The following KIF1C variants were observed in gnomAD, a reference collection of about 807,000 sequenced individuals.
The protein encoded by KIF1C is kinesin family member 1C.
KIF1C carries 61 observed loss-of-function variants against 126.5 expected under a neutral mutation model. The observed-to-expected ratio is 0.48, with a 90% CI of 0.39 to 0.60. The LOEUF is 0.60. Ranked by LOEUF, KIF1C falls within the 20% of genes least tolerant of loss-of-function variation. The probability of loss-of-function intolerance (pLI) is 0.00; values close to 1 mark genes in which losing one functional copy is unlikely to be tolerated. For missense variants in KIF1C, 1,315 were observed against 1,489.2 expected (o/e 0.88, Z 1.93); for synonymous variants, 640 against 580.6 (o/e 1.10, Z -1.47).
rs1162917513 is a variant in KIF1C, at chr17:5,002,542, G to A, written c.508G>A (p.Glu170Lys). 6.2e-7 allele frequency: 1 copy of A among 1,613,938 alleles called. No individual in the cohort carries two copies. Among genetic ancestry groups the A allele is most frequent in the African/African-American group, 1.3e-5 (1 of 74,910 alleles). Residue 170 changes from glutamate to lysine, a missense_variant, in exon 7 of 23, where the codon GAG becomes AAG. Physicochemically the swap from Glu to Lys is moderately conservative, Grantham distance 56 (BLOSUM62 1). This residue lies in a region of KIF1C where 874 missense variants were observed against 1,053.2 expected (regional missense o/e 0.83). Transcript: ENST00000320785. ...GAGTCGGGGTTCTCTGCGGGTCCGG[G>A]AGCACCCCATCCTGGGCCCGTACGT... ...PKSRGSLRVR[E>K]HPILGPYVQD...
Position 5,002,719 on chromosome 17 carries a change from C to G in KIF1C, c.609-12C>G. 1 of 1,613,976 alleles carries G rather than the reference C, an allele frequency of 6.2e-7. No individual in the cohort carries two copies. ...AGAGGCAGGATCCAGTGACTGCTTT[C>G]TTTACCCTAAGGACTGTGGCTGCCA... is the stretch of plus-strand genomic sequence containing the variant. On this transcript the variant is annotated splice_polypyrimidine_tract_variant and intron_variant, in intron 7 of 22. Transcript: ENST00000320785.
chr17:5,020,388 G>A lies in KIF1C; in HGVS notation c.1751-104G>A. 8.4e-7 allele frequency: 1 copy of A among 1,184,146 alleles called. No individual in the cohort carries two copies. Among genetic ancestry groups the A allele is most frequent in the South Asian group, 1.5e-5 (1 of 65,346 alleles). 73.4% of individuals were successfully genotyped at this position (1,184,146 alleles called of 1,614,324 possible). On this transcript the variant is annotated intron_variant, in intron 19 of 22. Transcript: ENST00000320785. This position sits in a 1 kb window ranked among gnomAD's most constrained non-coding sequence, Gnocchi z 5.8. Reference sequence around the variant, plus strand: ...GCCTTCAGACTTGGGGTGATGAAGGGGAGGGTGTCACAGCCCCTGTGCCAG... The same window carrying A: ...GCCTTCAGACTTGGGGTGATGAAGGAGAGGGTGTCACAGCCCCTGTGCCAG...
Position 5,009,819 on chromosome 17 carries a change from A to T in KIF1C, c.1491+2277A>T, listed in dbSNP as rs560048057. ...AAAAAAAGAAAAAATGTTCTCCTAG[A>T]GATGCTGTCTAGGAGATGTTATAAC... On this transcript the variant is annotated intron_variant, in intron 16 of 22. Transcript: ENST00000320785. 2.6e-5 allele frequency among the ~76,000 whole-genome samples: 4 copies of T among 151,910 alleles called. No homozygotes were observed. In the East Asian group the frequency reaches 7.8e-4, roughly 30 times the overall value.
At chr17:5,016,497 TGCCTCG>T (rs935412525) in intron 18 of KIF1C, among the ~76,000 whole-genome samples, 2 of 151,570 alleles carry the variant, frequency 1.3e-5, no homozygotes, top group African/African-American at 4.8e-5. Flanking sequence ...GTGATCCACC[TGCCTCG>T]GCCTCCCAAA....
In KIF1C at chr17:5,026,066, A is replaced by C; in HGVS notation, c.*1915A>C. 1 of 152,120 alleles carries C rather than the reference A, an allele frequency of 6.6e-6. No individual in the cohort carries two copies. The highest frequency in any genetic ancestry group is 1.9e-4 in the East Asian group (1 of 5,172). 9.4% of individuals were successfully genotyped at this position (152,120 alleles called of 1,614,324 possible). On this transcript the variant is annotated 3_prime_UTR_variant, in exon 23 of 23. Coordinates refer to ENST00000320785, the MANE Select transcript of KIF1C (RefSeq NM_006612.6). The stretch of plus-strand genomic sequence containing the variant: ...GGTCAGTCTCCAGCCAAAACCATAG[A>C]TATCCCAACTGCAGCCAAACCACGG...
rs1274095318 is a variant in KIF1C at position 5,020,090 on chromosome 17, T to G, written c.1750+11T>G. ...TGGTGCTGAAGTCAGGTAGAAGATGTGTCGCAGATTGAGGGTTCTGGGGCG... is the reference window on the plus strand; with the variant it reads ...TGGTGCTGAAGTCAGGTAGAAGATGGGTCGCAGATTGAGGGTTCTGGGGCG... On this transcript the variant is annotated intron_variant, in intron 19 of 22. Coordinates refer to ENST00000320785, the MANE Select transcript of KIF1C (RefSeq NM_006612.6). The surrounding 1 kb of genome is among the most constrained non-coding windows in gnomAD (Gnocchi z 5.8). The G allele has an allele frequency of 1.3e-6, 2 of 1,572,250 alleles. No individual in the cohort carries two copies. The highest frequency in any genetic ancestry group is 1.7e-6 in the Non-Finnish European group (2 of 1,157,322).
chr17:5,002,523 G>T lies in KIF1C; in HGVS notation c.489G>T (p.Arg163=). 1 of 1,613,824 alleles carries T rather than the reference G, an allele frequency of 6.2e-7. No individual in the cohort carries two copies. The highest frequency in any genetic ancestry group is 8.5e-7 in the Non-Finnish European group (1 of 1,179,760). ...RVRDLLNPKS[R]GSLRVREHPI... is the part of the protein sequence containing the mutation. ...GAGACCTCTTGAACCCCAAGAGTCG[G>T]GGTTCTCTGCGGGTCCGGGAGCACC... is the stretch of plus-strand genomic sequence containing the variant. The change falls in exon 7 of 23, where the codon CGG becomes CGT. Residue 163 remains arginine, a synonymous_variant. Transcript: ENST00000320785.
chr17:5,018,972 C>T (rs973579145), intron 18 of KIF1C, among the ~76,000 whole-genome samples: 10 of 152,066 alleles, frequency 6.6e-5, no homozygotes, highest in African/African-American at 2.4e-4. Flanking sequence ...CCTCTAGGCA[C>T]CCGCATCCCG....
Position 5,003,919 on chromosome 17 carries a change from G to A in KIF1C, c.864+3G>A. The A allele has an allele frequency of 6.2e-7, 1 of 1,613,658 alleles. No individual in the cohort carries two copies. Among genetic ancestry groups the A allele is most frequent in the Non-Finnish European group, 8.5e-7 (1 of 1,179,602 alleles). On this transcript the variant is annotated splice_donor_region_variant and intron_variant, in intron 10 of 22. Coordinates refer to ENST00000320785, the MANE Select transcript of KIF1C (RefSeq NM_006612.6). ...TGATCTCGGCCCTTGCAGATATGGT[G>A]AGACCTGGGTGTTGGAAAGAAGGGG...
chr17:5,017,425 G>A (rs1440887293), intron 18 of KIF1C, among the ~76,000 whole-genome samples: 1 of 149,868 alleles, frequency 6.7e-6, no homozygotes, highest in African/African-American at 2.5e-5. Flanking sequence ...TCAGTCTCCT[G>A]AGTAGCTGGG....
In KIF1C at chr17:5,013,691, G is replaced by A. The variant is rs1175360051; in HGVS notation, c.1530G>A (p.Met510Ile). 6.2e-7 allele frequency: 1 copy of A among 1,613,714 alleles called. No individual in the cohort carries two copies. The highest frequency in any genetic ancestry group is 1.7e-5 in the Admixed American group (1 of 59,974). The change falls in exon 17 of 23, where the codon ATG (methionine) becomes ATA (isoleucine). Residue 510 changes from methionine (M) to isoleucine (I), a missense_variant. Around this residue, in one of 2 missense-constraint regions of KIF1C, gnomAD observed 874 missense variants for 1,053.2 expected, o/e 0.83. Coordinates refer to ENST00000320785, the MANE Select transcript of KIF1C (RefSeq NM_006612.6). ...HLVNLNEDPLMSECLLYHIKD... is the reference protein window; with the variant it reads ...HLVNLNEDPLISECLLYHIKD... ...TGAACCTGAACGAAGACCCTCTGATGTCTGAGTGTCTGCTCTACCACATCA... is the reference window on the plus strand; with the variant it reads ...TGAACCTGAACGAAGACCCTCTGATATCTGAGTGTCTGCTCTACCACATCA...
chr17:5,005,084 C>A, intron 13 of KIF1C, 84 bp downstream of exon 13: 1 of 1,554,204 alleles, frequency 6.4e-7, no homozygotes, highest in Non-Finnish European at 8.8e-7. Flanking sequence ...AGTCCTGGAG[C>A]CAGGGAGGGA....
At chr17:5,021,842 A>G (rs913895471) in intron 21 of KIF1C, among the ~76,000 whole-genome samples, 1 of 149,602 alleles carries the variant, frequency 6.7e-6, no homozygotes, top group South Asian at 2.1e-4. Flanking sequence ...ACTTATGGTA[A>G]CTTTCTCGGT....
At chr17:5,016,623 G>T (rs1974978309) in intron 18 of KIF1C, among the ~76,000 whole-genome samples, 1 of 151,868 alleles carries the variant, frequency 6.6e-6, no homozygotes. Context: ...TACCTCTTGG[G>T]GCTGGTGGGG....
intron 18 of KIF1C, among the ~76,000 whole-genome samples, chr17:5,016,140 CTT>C (rs113644919): frequency 2.6e-4 from 35 of 136,718 alleles, no homozygotes; most frequent in Middle Eastern, 3.8e-3. Flanking sequence ...ATGGTCAGCA[CTT>C]TTTTTTTTTT....
chr17:5,022,425 C>G lies in KIF1C; in HGVS notation c.2344C>G (p.Leu782Val). ...CCTGGCCGCCCTCAAGATGCGGGAG[C>G]TGTGTCGCACCTATGGCAAGCCAGA... ...EALAALKMRELCRTYGKPDGP... is the reference protein window; with the variant it reads ...EALAALKMREVCRTYGKPDGP... The change falls in exon 22 of 23, where the codon CTG becomes GTG. Residue 782 changes from leucine (L) to valine (V), a missense_variant. Transcript: ENST00000320785. The surrounding 1 kb of genome is among the most constrained non-coding windows in gnomAD (Gnocchi z 4.9). 1.3e-6 allele frequency: 2 copies of G among 1,580,096 alleles called. No homozygotes were observed. The highest frequency in any genetic ancestry group is 1.1e-5 in the South Asian group (1 of 87,390).
rs2143312682 is a variant in KIF1C, at chr17:5,002,479, A to T, written c.445A>T (p.Ile149Phe). 1 of 1,602,590 alleles carries T rather than the reference A, an allele frequency of 6.2e-7. No individual in the cohort carries two copies. The highest frequency in any genetic ancestry group is 2.2e-5 in the East Asian group (1 of 44,578). ...SYSVEVSYME[I>F]YCERVRDLLN... ...TCCCACTCAGGTGAGCTATATGGAG[A>T]TCTACTGTGAGCGGGTACGAGACCT... Residue 149 changes from isoleucine to phenylalanine, a missense_variant, in exon 7 of 23, where the codon ATC becomes TTC. Physicochemically the swap from Ile to Phe is conservative, Grantham distance 21 (BLOSUM62 0). Around this residue, in one of 2 missense-constraint regions of KIF1C, gnomAD observed 874 missense variants for 1,053.2 expected, o/e 0.83. Transcript: ENST00000320785.
At chr17:5,008,677 T>C (rs774002043) in intron 16 of KIF1C, among the ~76,000 whole-genome samples, 2 of 152,116 alleles carry the variant, frequency 1.3e-5, no homozygotes, top group Non-Finnish European at 1.5e-5. Flanking sequence ...CCAAGCCACA[T>C]TGAGGGAGTG....
chr17:5,023,499 A>T lies in KIF1C; in HGVS notation c.2660A>T (p.Glu887Val). 1 of 1,614,016 alleles carries T rather than the reference A, an allele frequency of 6.2e-7. No homozygotes were observed. The highest frequency in any genetic ancestry group is 1.3e-5 in the African/African-American group (1 of 74,994). ...DHEDENEEGGEVPWAPPEGSE... is the reference protein window; with the variant it reads ...DHEDENEEGGVVPWAPPEGSE... ...GAGGATGAGAATGAAGAAGGTGGTGAGGTCCCCTGGGCCCCGCCTGAAGGA... is the reference window on the plus strand; with the variant it reads ...GAGGATGAGAATGAAGAAGGTGGTGTGGTCCCCTGGGCCCCGCCTGAAGGA... The change falls in exon 23 of 23, where the codon GAG becomes GTG. Residue 887 changes from glutamate to valine, a missense_variant. Physicochemically the swap from Glu to Val is moderately radical, Grantham distance 121. Around this residue, in one of 2 missense-constraint regions of KIF1C, gnomAD observed 441 missense variants for 436.1 expected, o/e 1.01. Coordinates refer to ENST00000320785, the MANE Select transcript of KIF1C (RefSeq NM_006612.6). This position sits in a 1 kb window ranked among gnomAD's most constrained non-coding sequence, Gnocchi z 4.2.
Sources: gnomAD v4.1 joint callset for allele counts (sites outside exome capture counted in the v4.1 genomes callset) on GRCh38, gnomAD v4.1.1 for gene constraint, gnomAD v4.1.1 regional missense constraint, Gnocchi (gnomAD v3.1) non-coding constraint, MANE v1.5 for transcripts, NCBI Gene and HGNC (gene_info 2026-07-23, HGNC 2026-07-21) for gene names.